The following NTM variants were observed in gnomAD, a reference collection of about 807,000 sequenced individuals.
The protein encoded by NTM is IgLON family member 2.
NTM carries 13 observed loss-of-function variants against 42.1 expected under a neutral mutation model. The observed-to-expected ratio is 0.31, with a 90% CI of 0.20 to 0.49. NTM has a LOEUF of 0.49. Ranked by LOEUF, NTM falls within the 20% of genes least tolerant of loss-of-function variation. The pLI, the probability that NTM is intolerant of heterozygous loss-of-function variation, is 0.99. For synonymous variants in NTM, 187 were observed against 179.2 expected (o/e 1.04, Z -0.35); for missense variants, 373 against 452.8 (o/e 0.82, Z 1.60).
At chr11:131,553,971 A>G (rs904452385) in intron 1 of NTM, among the ~76,000 whole-genome samples, 1 of 152,150 alleles carries the variant, frequency 6.6e-6, no homozygotes, top group African/African-American at 2.4e-5. Context: ...TGGGCTGTCA[A>G]TACCTTTGTT....
At chr11:131,429,825 C>T (rs2135901713) in intron 1 of NTM, among the ~76,000 whole-genome samples, 1 of 152,310 alleles carries the variant, frequency 6.6e-6, no homozygotes, top group East Asian at 1.9e-4. Flanking sequence ...ATAAACGTTT[C>T]CTGGTCTCCT....
intron 1 of NTM, among the ~76,000 whole-genome samples, chr11:131,592,197 G>A (rs1592147683): frequency 6.6e-6 from 1 of 152,192 alleles, no homozygotes; most frequent in Non-Finnish European, 1.5e-5. Flanking sequence ...ATGGGAGGCA[G>A]AATTACTGGG....
chr11:132,020,928 G>T (rs1593800562), intron 2 of NTM, among the ~76,000 whole-genome samples: 2 of 152,076 alleles, frequency 1.3e-5, no homozygotes, highest in Admixed American at 1.3e-4. Flanking sequence ...TAGATATCTA[G>T]ATTAGTGTTT....
intron 7 of NTM, among the ~76,000 whole-genome samples, chr11:132,327,390 G>A (rs1007505719): frequency 6.6e-6 from 1 of 152,224 alleles, no homozygotes; most frequent in African/African-American, 2.4e-5. Flanking sequence ...AGTAAACTCT[G>A]TATATCAGAA....
intron 2 of NTM, among the ~76,000 whole-genome samples, chr11:131,967,352 G>A (rs1177735458): frequency 6.6e-6 from 1 of 152,162 alleles, no homozygotes; most frequent in Non-Finnish European, 1.5e-5. Context: ...TCAGTGGGGG[G>A]CAACTGATAT....
At chr11:131,716,787 C>A (rs118047890) in intron 1 of NTM, among the ~76,000 whole-genome samples, 1,730 of 152,146 alleles carry the variant, frequency 0.011, 17 homozygotes, top group Non-Finnish European at 0.018. Flanking sequence ...ATTTCACTGG[C>A]CTATTTTTCA....
At chr11:131,812,248 C>T (rs979756353) in intron 1 of NTM, among the ~76,000 whole-genome samples, 1 of 120,572 alleles carries the variant, frequency 8.3e-6, no homozygotes, top group Non-Finnish European at 2.0e-5. Context: ...CATTCTCCCC[C>T]TTATTTTCTC....
chr11:131,507,281 C>G (rs532152966), intron 1 of NTM, among the ~76,000 whole-genome samples: 2 of 151,918 alleles, frequency 1.3e-5, no homozygotes, highest in African/African-American at 4.8e-5. Context: ...ATATGGCTAG[C>G]CAGTTTTCCC....
intron 1 of NTM, among the ~76,000 whole-genome samples, chr11:131,393,649 C>T (rs896686960): frequency 1.3e-5 from 2 of 152,216 alleles, no homozygotes; most frequent in African/African-American, 4.8e-5. Flanking sequence ...TGTACTTCTT[C>T]CCAACAGCGC....
chr11:131,878,582 AAAAAAAAAAAAAATATATATATAT>A (rs1444724122), intron 1 of NTM, among the ~76,000 whole-genome samples: 4 of 49,728 alleles, frequency 8.0e-5, no homozygotes, highest in African/African-American at 3.6e-4. Context: ...AAAAAAAAAA[AAAAAAAAAAAAAATATATATATAT>A]ATATATATAT....
intron 1 of NTM, among the ~76,000 whole-genome samples, chr11:131,690,097 A>G (rs1398179901): frequency 6.6e-6 from 1 of 151,988 alleles, no homozygotes; most frequent in African/African-American, 2.4e-5. Flanking sequence ...CTCCCCTCAC[A>G]CGTCTGTCCC....
intron 2 of NTM, among the ~76,000 whole-genome samples, chr11:131,958,996 C>T (rs929635599): frequency 2.6e-5 from 4 of 152,124 alleles, no homozygotes; most frequent in Non-Finnish European, 4.4e-5. Flanking sequence ...GCGGAAGAAA[C>T]GAGACTCCAG....
intron 2 of NTM, among the ~76,000 whole-genome samples, chr11:132,005,366 G>C (rs1402029214): frequency 6.6e-6 from 1 of 152,110 alleles, no homozygotes; most frequent in Non-Finnish European, 1.5e-5. Context: ...CTTATTCTGT[G>C]GACATTGTCT....
At chr11:131,542,587 C>G (rs2053419464) in intron 1 of NTM, among the ~76,000 whole-genome samples, 1 of 152,176 alleles carries the variant, frequency 6.6e-6, no homozygotes, top group African/African-American at 2.4e-5. Context: ...ATCCTTTCCT[C>G]AAATTCCCAG....
intron 2 of NTM, among the ~76,000 whole-genome samples, chr11:132,063,448 G>A (rs956707880): frequency 1.8e-4 from 28 of 152,096 alleles, no homozygotes; most frequent in Admixed American, 1.7e-3. Flanking sequence ...TGACTTCTCC[G>A]TCTATTAATG....
chr11:131,504,827 G>A (rs1253417188), intron 1 of NTM, among the ~76,000 whole-genome samples: 1 of 152,090 alleles, frequency 6.6e-6, no homozygotes, highest in South Asian at 2.1e-4. Flanking sequence ...CCTCCTGCAT[G>A]CACATATGCC....
chr11:132,213,981 G>T lies in NTM; in HGVS notation c.526+1834G>T, dbSNP rs1052948210. 1.4e-5 allele frequency among the ~76,000 whole-genome samples: 2 copies of T among 147,884 alleles called. 1 individual carries two copies. Among genetic ancestry groups the T allele is most frequent in the Non-Finnish European group, 3.0e-5 (2 of 66,484 alleles). The stretch of plus-strand genomic sequence containing the variant: ...GATCTCCTGACCTCGTGATCCGCCC[G>T]CCTCGGCCTCCCAAAGTGCTGGGAT... On this transcript the variant is annotated intron_variant, in intron 4 of 8. Transcript: ENST00000683400.
At chr11:131,619,900 G>C (rs1281950286) in intron 1 of NTM, among the ~76,000 whole-genome samples, 1 of 151,874 alleles carries the variant, frequency 6.6e-6, no homozygotes, top group Non-Finnish European at 1.5e-5. Context: ...TGCCTCGTGG[G>C]TTCAAGTGAT....
At chr11:131,398,703 C>T (rs371573647) in intron 1 of NTM, among the ~76,000 whole-genome samples, 9 of 152,116 alleles carry the variant, frequency 5.9e-5, no homozygotes, top group Non-Finnish European at 8.8e-5. Flanking sequence ...TCCTTACACA[C>T]GATCACTATA....
Sources: allele counts gnomAD v4.1 joint callset (sites outside exome capture counted in the v4.1 genomes callset), GRCh38; gene constraint gnomAD v4.1.1; transcripts MANE v1.5; gene names NCBI Gene and HGNC (gene_info 2026-07-23, HGNC 2026-07-21).